The following CLPSL1 variants were observed in gnomAD, a reference collection of about 807,000 sequenced individuals.
CLPSL1 encodes the protein colipase like 1.
CLPSL1 carries 13 observed loss-of-function variants against 9.3 expected under a neutral mutation model. The observed-to-expected ratio is 1.40, with a 90% CI of 0.91 to 2.22. The LOEUF is 2.22. Among genes scored for constraint, CLPSL1 ranks in the 30% most tolerant of loss-of-function variants. CLPSL1 has a pLI of 0.00. For missense variants in CLPSL1, 164 were observed against 146.6 expected (o/e 1.12, Z -0.61); for synonymous variants, 58 against 56.9 (o/e 1.02, Z -0.08).
downstream of CLPSL1, among the ~76,000 whole-genome samples, chr6:35,789,006 A>G (rs1302110436): frequency 6.6e-6 from 1 of 152,278 alleles, no homozygotes. Flanking sequence ...GAGGTAAACT[A>G]TGGTTGTACT....
At chr6:35,781,599 G>A (rs1561938860) in intron 1 of CLPSL1, among the ~76,000 whole-genome samples, 1 of 152,052 alleles carries the variant, frequency 6.6e-6, no homozygotes, top group Non-Finnish European at 1.5e-5. Context: ...TCACTCTAGT[G>A]TGTGAGGCAA....
intron 1 of CLPSL1, among the ~76,000 whole-genome samples, chr6:35,785,930 C>T (rs772332289): frequency 2.6e-5 from 3 of 117,532 alleles, no homozygotes; most frequent in Non-Finnish European, 4.9e-5. Context: ...GCCTGGGTGA[C>T]AGAGTGAGAC....
At position 35,784,857 on chromosome 6, in the gene CLPSL1, G is replaced by A. The variant is rs2766586; in HGVS notation, c.100-2141G>A. ...GGCATAAAGCAGAAAAAGAGACTGA[G>A]GCAGGTTTCAGAGCAGGAGTGGAAG... On this transcript the variant is annotated intron_variant, in intron 1 of 2. Coordinates refer to ENST00000373861, the MANE Select transcript of CLPSL1 (RefSeq NM_001010886.5). Among the ~76,000 whole-genome samples the A allele has an allele frequency of 8.0e-3, 1,224 of 152,316 alleles. 10 individuals carry two copies. Among genetic ancestry groups the A allele is most frequent in the African/African-American group, 0.026 (1,075 of 41,576 alleles).
At chr6:35,792,810 C>G (rs1223933129), downstream of CLPSL1, among the ~76,000 whole-genome samples, 2 of 152,262 alleles carry the variant, frequency 1.3e-5, no homozygotes, top group Non-Finnish European at 2.9e-5. Flanking sequence ...TCTCCAGGAC[C>G]GAATGTGGCA....
chr6:35,790,950 A>G (rs997423782), downstream of CLPSL1, among the ~76,000 whole-genome samples: 33 of 152,300 alleles, frequency 2.2e-4, 1 homozygote, highest in Admixed American at 1.6e-3. Flanking sequence ...AGGCTGAGGC[A>G]GGAGGATCAC....
At chr6:35,793,243 G>A (rs1360669342) in intron 1 of CLPSL1, among the ~76,000 whole-genome samples, 1 of 152,216 alleles carries the variant, frequency 6.6e-6, no homozygotes, top group Non-Finnish European at 1.5e-5. Flanking sequence ...GGCCAACATG[G>A]TGAAACCCTG....
At chr6:35,792,762 G>T (rs1344774364), downstream of CLPSL1, among the ~76,000 whole-genome samples, 2 of 152,272 alleles carry the variant, frequency 1.3e-5, no homozygotes. Flanking sequence ...GCACACTGTG[G>T]TCATTCAGTG....
intron 1 of CLPSL1, among the ~76,000 whole-genome samples, chr6:35,784,649 C>T (rs1581951959): frequency 1.3e-5 from 2 of 152,076 alleles, no homozygotes; most frequent in African/African-American, 4.8e-5. Context: ...GCTGTAATCC[C>T]AACATTTTGG....
downstream of CLPSL1, among the ~76,000 whole-genome samples, chr6:35,791,807 C>T (rs369887050): frequency 8.5e-5 from 13 of 152,232 alleles, no homozygotes; most frequent in East Asian, 1.4e-3. Flanking sequence ...GAGGCTCACA[C>T]CTATAATCCT....
intron 1 of CLPSL1, among the ~76,000 whole-genome samples, chr6:35,781,958 G>C (rs1474255611): frequency 1.3e-5 from 2 of 151,946 alleles, no homozygotes; most frequent in African/African-American, 4.8e-5. Flanking sequence ...CACCGTATTG[G>C]TCAGGCTGGT....
chr6:35,792,127 T>TAAATC (rs1768232696), downstream of CLPSL1, among the ~76,000 whole-genome samples: 3 of 128,218 alleles, frequency 2.3e-5, no homozygotes, highest in African/African-American at 8.3e-5. Context: ...ATAAATAAAT[T>TAAATC]AGCCAGGCAT....
chr6:35,789,627 C>T (rs1011714356), downstream of CLPSL1, among the ~76,000 whole-genome samples: 3 of 152,242 alleles, frequency 2.0e-5, no homozygotes, highest in East Asian at 5.8e-4. Context: ...AGCACGGTGG[C>T]TCATGCCTGT....
At chr6:35,782,188 G>T (rs1480834873) in intron 1 of CLPSL1, among the ~76,000 whole-genome samples, 1 of 152,196 alleles carries the variant, frequency 6.6e-6, no homozygotes, top group East Asian at 1.9e-4. Context: ...ATTCAAGGTG[G>T]AGGGAACAGC....
chr6:35,783,251 C>T (rs1768001186), intron 1 of CLPSL1, among the ~76,000 whole-genome samples: 1 of 152,230 alleles, frequency 6.6e-6, no homozygotes, highest in African/African-American at 2.4e-5. Flanking sequence ...TGGCTCACGC[C>T]TGTAATCCTA....
At chr6:35,784,770 ATC>A (rs1768035640) in intron 1 of CLPSL1, among the ~76,000 whole-genome samples, 1 of 152,212 alleles carries the variant, frequency 6.6e-6, no homozygotes. Context: ...TTGGCAATGA[ATC>A]TGTATGCATT....
downstream of CLPSL1, among the ~76,000 whole-genome samples, chr6:35,788,763 G>C (rs1768138755): frequency 6.6e-6 from 1 of 152,280 alleles, no homozygotes; most frequent in Non-Finnish European, 1.5e-5. Context: ...CTGTGGTGTG[G>C]GGTTGGAGAG....
At chr6:35,788,672 G>C (rs1426059736), downstream of CLPSL1, among the ~76,000 whole-genome samples, 1 of 152,258 alleles carries the variant, frequency 6.6e-6, no homozygotes, top group African/African-American at 2.4e-5. Flanking sequence ...GGAGGCAAGA[G>C]AAAAGAGGGA....
chr6:35,783,522 G>A (rs1053815362), intron 1 of CLPSL1, among the ~76,000 whole-genome samples: 5 of 150,362 alleles, frequency 3.3e-5, no homozygotes, highest in African/African-American at 9.8e-5. Flanking sequence ...AAAAAAAAAG[G>A]GGGGCTGGGC....
intron 1 of CLPSL1, among the ~76,000 whole-genome samples, chr6:35,785,946 CA>C (rs35079833): frequency 0.26 from 28,695 of 110,254 alleles, 2,922 homozygotes; most frequent in South Asian, 0.33. Flanking sequence ...GAGACTTTGT[CA>C]AAAAAAAAAA....
Sources: allele counts gnomAD v4.1 joint callset (sites outside exome capture counted in the v4.1 genomes callset), GRCh38; gene constraint gnomAD v4.1.1; transcripts MANE v1.5; gene names NCBI Gene and HGNC (gene_info 2026-07-23, HGNC 2026-07-21).